Variants in CAMK2N1 observed in about 807,000 individuals in gnomAD.
CAMK2N1 encodes the protein calcium/calmodulin dependent protein kinase II inhibitor 1.
Under a neutral mutation model 6.4 loss-of-function variants are expected in CAMK2N1, and 2 were observed. The ratio of observed to expected loss-of-function variants is 0.31; its 90% confidence interval spans 0.13 to 0.98. The LOEUF (loss-of-function observed/expected upper bound fraction) is 0.98. Among genes scored for constraint, CAMK2N1 ranks in the 50% least tolerant of loss-of-function variants. CAMK2N1 has a pLI of 0.51. For synonymous variants in CAMK2N1, 42 were observed against 47.5 expected (o/e 0.88, Z 0.47); for missense variants, 77 against 107.3 (o/e 0.72, Z 1.25).
chr1:20,485,306 A>G lies in CAMK2N1; in HGVS notation c.74T>C (p.Phe25Ser), dbSNP rs2051502237. 1 of 1,594,538 alleles carries G rather than the reference A, an allele frequency of 6.3e-7. No homozygotes were observed. Among genetic ancestry groups the G allele is most frequent in the Admixed American group, 1.7e-5 (1 of 58,158 alleles). ...YGDGGDVGQI[F>S]SCRLQDTNNF... ...GTTGGTGTCCTGCAGGCGGCAGGAG[A>G]AGATCTGGCCCACGTCGCCGCCGTC... The change falls in exon 1 of 2, where the codon TTC becomes TCC. Residue 25 changes from phenylalanine (F) to serine (S), a missense_variant. Physicochemically the swap from Phe to Ser is radical, Grantham distance 155 (BLOSUM62 -2). Transcript: ENST00000375078. The surrounding 1 kb of genome is among the most constrained non-coding windows in gnomAD (Gnocchi z 8.4).
rs2051486747 is a variant in CAMK2N1, at chr1:20,483,676, C to T, written c.210G>A (p.Met70Ile). 2 of 1,613,936 alleles carry T rather than the reference C, an allele frequency of 1.2e-6. No individual in the cohort carries two copies. The highest frequency in any genetic ancestry group is 2.2e-5 in the South Asian group (2 of 91,078). Residue 70 changes from methionine (M) to isoleucine (I), a missense_variant, in exon 2 of 2, where the codon ATG (methionine) becomes ATA (isoleucine). Transcript: ENST00000375078. ...AGACACCAGGAGGTGCCTTGTCGGT[C>T]ATATTTTTCAGCACGTCATCAATCC... is the stretch of plus-strand genomic sequence containing the variant. ...DDRIDDVLKN[M>I]TDKAPPGV
Position 20,484,839 on chromosome 1 carries a change from C to T in CAMK2N1, c.166+375G>A, listed in dbSNP as rs1269384195. ...GAATGGGATCCTCCCCACGCAGGTC[C>T]CCACGCCGTCCCCTGGGGGTCCCTG... is the stretch of plus-strand genomic sequence containing the variant. On this transcript the variant is annotated intron_variant, in intron 1 of 1. Coordinates refer to ENST00000375078, the MANE Select transcript of CAMK2N1 (RefSeq NM_018584.6). The surrounding 1 kb of genome is among the most constrained non-coding windows in gnomAD (Gnocchi z 6.8). Among the ~76,000 whole-genome samples the T allele has an allele frequency of 1.3e-5, 2 of 152,170 alleles. No individual in the cohort carries two copies. Among genetic ancestry groups the T allele is most frequent in the East Asian group, 3.9e-4 (2 of 5,182 alleles).
At chr1:20,483,800 G>A in intron 1 of CAMK2N1, 81 bp from the exon 2 acceptor site, 1 of 1,304,852 alleles carries the variant, frequency 7.7e-7, no homozygotes, top group South Asian at 1.2e-5. Context: ...TATGCCCAGA[G>A]TGGGAGGTCG....
Position 20,484,263 on chromosome 1 carries a change from CT to C in CAMK2N1, c.167-545del, listed in dbSNP as rs1239536263. 6.5e-6 allele frequency: 1 copy of C among 153,280 alleles called. No individual in the cohort carries two copies. Among genetic ancestry groups the C allele is most frequent in the Non-Finnish European group, 1.5e-5 (1 of 68,876 alleles). 9.5% of individuals were successfully genotyped at this position (153,280 alleles called of 1,614,324 possible). A position where few individuals can be genotyped will look rare whatever the true frequency, so the allele number is the denominator to read the frequency against. On this transcript the variant is annotated intron_variant, in intron 1 of 1. Transcript: ENST00000375078. This position sits in a 1 kb window ranked among gnomAD's most constrained non-coding sequence, Gnocchi z 6.8. ...CCTCCTGCGCGCCCTCTCCCAGCCG[CT>C]GGCCGACTGACTCGGCCGCCCCGCG... is the stretch of plus-strand genomic sequence containing the variant.
rs1309802289 is a variant in CAMK2N1, at chr1:20,485,842, C to G, written c.-463G>C. On this transcript the variant is annotated 5_prime_UTR_variant, in exon 1 of 2. Coordinates refer to ENST00000375078, the MANE Select transcript of CAMK2N1 (RefSeq NM_018584.6). The surrounding 1 kb of genome is among the most constrained non-coding windows in gnomAD (Gnocchi z 8.4). ...GGGGAGGCAGACTGGGAGCTGCGAG[C>G]GGCGGGGCTGCGAGGGGCGGAGGGG... 9.7e-6 allele frequency: 1 copy of G among 103,586 alleles called. No individual in the cohort carries two copies. The highest frequency in any genetic ancestry group is 3.7e-5 in the African/African-American group (1 of 27,120). The allele number at this position is 103,586 out of a possible 1,614,324, so 6.4% of individuals were successfully genotyped here. A position where few individuals can be genotyped will look rare whatever the true frequency, so the allele number is the denominator to read the frequency against.
Position 20,483,090 on chromosome 1 carries a change from G to T in CAMK2N1, c.*559C>A, listed in dbSNP as rs1296975269. 1 of 152,472 alleles carries T rather than the reference G, an allele frequency of 6.6e-6. No homozygotes were observed. The highest frequency in any genetic ancestry group is 2.4e-5 in the African/African-American group (1 of 41,388). The allele number at this position is 152,472 out of a possible 1,614,324, so 9.4% of individuals were successfully genotyped here. A position where few individuals can be genotyped will look rare whatever the true frequency, so the allele number is the denominator to read the frequency against. The stretch of plus-strand genomic sequence containing the variant: ...CAAAATAAAACAGAATATCTACAGA[G>T]ATCATTTTCTGAATTTTTTGTACAT... On this transcript the variant is annotated 3_prime_UTR_variant, in exon 2 of 2. Transcript: ENST00000375078.
rs1213895940 is a variant in CAMK2N1, at chr1:20,485,368, C to G, written c.12G>C (p.Val4=). The G allele has an allele frequency of 3.5e-6, 5 of 1,413,704 alleles. No homozygotes were observed. Among genetic ancestry groups the G allele is most frequent in the Non-Finnish European group, 4.6e-6 (5 of 1,080,434 alleles). 87.6% of individuals were successfully genotyped at this position (1,413,704 alleles called of 1,614,324 possible). A position where few individuals can be genotyped will look rare whatever the true frequency, so the allele number is the denominator to read the frequency against. The change falls in exon 1 of 2, where the codon GTG becomes GTC. Residue 4 remains valine (V), a synonymous_variant. Coordinates refer to ENST00000375078, the MANE Select transcript of CAMK2N1 (RefSeq NM_018584.6). The surrounding 1 kb of genome is among the most constrained non-coding windows in gnomAD (Gnocchi z 8.4). The part of the protein sequence containing the change: MSE[V]LPYGDEKLSP... Reference sequence around the variant, plus strand: ...TCAGCTTCTCGTCGCCGTAGGGCAGCACCTCCGACATGGTCGCGTCCGGGG... The same window carrying G: ...TCAGCTTCTCGTCGCCGTAGGGCAGGACCTCCGACATGGTCGCGTCCGGGG...
rs941842896 is a variant in CAMK2N1, at chr1:20,484,004, C to G, written c.167-285G>C. 6.6e-6 allele frequency among the ~76,000 whole-genome samples: 1 copy of G among 152,248 alleles called. No individual in the cohort carries two copies. The highest frequency in any genetic ancestry group is 1.5e-5 in the Non-Finnish European group (1 of 68,036). On this transcript the variant is annotated intron_variant, in intron 1 of 1. Coordinates refer to ENST00000375078, the MANE Select transcript of CAMK2N1 (RefSeq NM_018584.6). This position sits in a 1 kb window ranked among gnomAD's most constrained non-coding sequence, Gnocchi z 6.8. ...AGCCGCTCCTGCTGCAGCCAGGGCG[C>G]GCACTGGCCCGCGTCCTCCCCGCAC...
At position 20,485,393 on chromosome 1, in the gene CAMK2N1, G is replaced by A. The variant is rs1367786509; in HGVS notation, c.-14C>T. 3 of 1,312,088 alleles carry A rather than the reference G, an allele frequency of 2.3e-6. No homozygotes were observed. The highest frequency in any genetic ancestry group is 1.9e-6 in the Non-Finnish European group (2 of 1,026,364). The allele number at this position is 1,312,088 out of a possible 1,614,324, so 81.3% of individuals were successfully genotyped here. On this transcript the variant is annotated 5_prime_UTR_variant, in exon 1 of 2. Coordinates refer to ENST00000375078, the MANE Select transcript of CAMK2N1 (RefSeq NM_018584.6). The surrounding 1 kb of genome is among the most constrained non-coding windows in gnomAD (Gnocchi z 8.4). ...CACCTCCGACATGGTCGCGTCCGGGGGCTCCGCCGCGGCGCCTCCTCCGCC... is the reference window on the plus strand; with the variant it reads ...CACCTCCGACATGGTCGCGTCCGGGAGCTCCGCCGCGGCGCCTCCTCCGCC...
In CAMK2N1 at chr1:20,485,148, C is replaced by T; in HGVS notation, c.166+66G>A. ...CGGGCTCCAGCGGGTGGGAGACCTC[C>T]GCAACCCTTGTTCAGGCCGCGGCGC... On this transcript the variant is annotated intron_variant, in intron 1 of 1. Coordinates refer to ENST00000375078, the MANE Select transcript of CAMK2N1 (RefSeq NM_018584.6). The surrounding 1 kb of genome is among the most constrained non-coding windows in gnomAD (Gnocchi z 8.4). The T allele has an allele frequency of 1.3e-6, 2 of 1,505,558 alleles. No homozygotes were observed. The highest frequency in any genetic ancestry group is 1.4e-5 in the African/African-American group (1 of 71,258). The allele number at this position is 1,505,558 out of a possible 1,614,324, so 93.3% of individuals were successfully genotyped here.
chr1:20,485,143 ACCT>A lies in CAMK2N1; in HGVS notation c.166+68_166+70del, dbSNP rs1324164121. 7 of 1,467,026 alleles carry A rather than the reference ACCT, an allele frequency of 4.8e-6. No individual in the cohort carries two copies. Among genetic ancestry groups the A allele is most frequent in the Non-Finnish European group, 6.4e-6 (7 of 1,099,870 alleles). 90.9% of individuals were successfully genotyped at this position (1,467,026 alleles called of 1,614,324 possible). A position where few individuals can be genotyped will look rare whatever the true frequency, so the allele number is the denominator to read the frequency against. On this transcript the variant is annotated intron_variant, in intron 1 of 1. Transcript: ENST00000375078. The surrounding 1 kb of genome is among the most constrained non-coding windows in gnomAD (Gnocchi z 8.4). ...CTGAACGGGCTCCAGCGGGTGGGAG[ACCT>A]CCGCAACCCTTGTTCAGGCCGCGGC...
Position 20,484,302 on chromosome 1 carries a change from G to T in CAMK2N1, c.167-583C>A. ...CGGCCGCCCCGCGCTCCCCGCTGCC[G>T]CAGAGGTCAGAGCCTCCCTTCGCTG... is the stretch of plus-strand genomic sequence containing the variant. On this transcript the variant is annotated intron_variant, in intron 1 of 1. Transcript: ENST00000375078. This position sits in a 1 kb window ranked among gnomAD's most constrained non-coding sequence, Gnocchi z 6.8. The T allele has an allele frequency of 6.5e-6, 1 of 153,582 alleles. No homozygotes were observed. The highest frequency in any genetic ancestry group is 1.9e-4 in the East Asian group (1 of 5,196). The allele number at this position is 153,582 out of a possible 1,614,324, so 9.5% of individuals were successfully genotyped here. A position where few individuals can be genotyped will look rare whatever the true frequency, so the allele number is the denominator to read the frequency against.
Position 20,484,903 on chromosome 1 carries a change from G to C in CAMK2N1, c.166+311C>G. 6.6e-6 allele frequency among the ~76,000 whole-genome samples: 1 copy of C among 152,196 alleles called. No homozygotes were observed. ...ACAGGGTTATGGAGCGAGTGCAGCT[G>C]TGACTACACTGCGCAAAAGGCGGGG... On this transcript the variant is annotated intron_variant, in intron 1 of 1. Transcript: ENST00000375078. This position sits in a 1 kb window ranked among gnomAD's most constrained non-coding sequence, Gnocchi z 6.8.
Position 20,486,034 on chromosome 1 carries a change from GA to G in CAMK2N1, c.-656del, listed in dbSNP as rs2051510912. ...GAGGGGGAGAGGAAGGAGAGGAGGA[GA>G]AAGAAGAAAAGGTGGGGTGGGGGAC... On this transcript the variant is annotated 5_prime_UTR_variant, in exon 1 of 2. Transcript: ENST00000375078. This position sits in a 1 kb window ranked among gnomAD's most constrained non-coding sequence, Gnocchi z 6.5. 6.7e-6 allele frequency: 1 copy of G among 149,386 alleles called. No homozygotes were observed. Among genetic ancestry groups the G allele is most frequent in the Non-Finnish European group, 1.5e-5 (1 of 67,540 alleles). The allele number at this position is 149,386 out of a possible 1,614,324, so 9.3% of individuals were successfully genotyped here. A position where few individuals can be genotyped will look rare whatever the true frequency, so the allele number is the denominator to read the frequency against.
At chr1:20,483,887 T>C (rs1047728352) in intron 1 of CAMK2N1, among the ~76,000 whole-genome samples, 168 bp from the exon 2 acceptor site, 3 of 151,926 alleles carry the variant, frequency 2.0e-5, no homozygotes, top group Non-Finnish European at 2.9e-5. Context: ...AGGGGTCCCT[T>C]CCCTGCTTTC....
Position 20,485,010 on chromosome 1 carries a change from G to T in CAMK2N1, c.166+204C>A, listed in dbSNP as rs2051499047. Among the ~76,000 whole-genome samples the T allele has an allele frequency of 6.6e-6, 1 of 152,312 alleles. No individual in the cohort carries two copies. Among genetic ancestry groups the T allele is most frequent in the East Asian group, 1.9e-4 (1 of 5,154 alleles). ...CTGCTAGAAGCCGCCACGCCCCCAG[G>T]GTGACCCAGCCGGGGATCCGGCTTA... On this transcript the variant is annotated intron_variant, in intron 1 of 1. Coordinates refer to ENST00000375078, the MANE Select transcript of CAMK2N1 (RefSeq NM_018584.6). The surrounding 1 kb of genome is among the most constrained non-coding windows in gnomAD (Gnocchi z 8.4).
In CAMK2N1 at chr1:20,485,353, G is replaced by C. The variant is rs749140803; in HGVS notation, c.27C>G (p.Asp9Glu). 1.3e-6 allele frequency: 2 copies of C among 1,526,214 alleles called. No individual in the cohort carries two copies. Among genetic ancestry groups the C allele is most frequent in the African/African-American group, 1.4e-5 (1 of 71,738 alleles). The allele number at this position is 1,526,214 out of a possible 1,614,324, so 94.5% of individuals were successfully genotyped here. The change falls in exon 1 of 2, where the codon GAC becomes GAG. Residue 9 changes from aspartate (D) to glutamate (E), a missense_variant. Coordinates refer to ENST00000375078, the MANE Select transcript of CAMK2N1 (RefSeq NM_018584.6). The surrounding 1 kb of genome is among the most constrained non-coding windows in gnomAD (Gnocchi z 8.4). MSEVLPYG[D>E]EKLSPYGDGG... ...CGTCGCCGTAGGGGCTCAGCTTCTCGTCGCCGTAGGGCAGCACCTCCGACA... is the reference window on the plus strand; with the variant it reads ...CGTCGCCGTAGGGGCTCAGCTTCTCCTCGCCGTAGGGCAGCACCTCCGACA...
In CAMK2N1 at chr1:20,483,572, T is replaced by C; in HGVS notation, c.*77A>G. The C allele has an allele frequency of 6.1e-6, 8 of 1,305,420 alleles. No individual in the cohort carries two copies. In the South Asian group the frequency reaches 9.5e-5, roughly 15 times the overall value. 80.9% of individuals were successfully genotyped at this position (1,305,420 alleles called of 1,614,324 possible). A position where few individuals can be genotyped will look rare whatever the true frequency, so the allele number is the denominator to read the frequency against. ...AGCTAGTAATAAATTTCAAAGTGCTTTCTCTTTTCATGCTTTTTGCCAATA... is the reference window on the plus strand; with the variant it reads ...AGCTAGTAATAAATTTCAAAGTGCTCTCTCTTTTCATGCTTTTTGCCAATA... On this transcript the variant is annotated 3_prime_UTR_variant, in exon 2 of 2. Transcript: ENST00000375078.
Position 20,484,445 on chromosome 1 carries a change from T to C in CAMK2N1, c.167-726A>G, listed in dbSNP as rs1333510515. 1 of 152,246 alleles carries C rather than the reference T, an allele frequency of 6.6e-6. No individual in the cohort carries two copies. Among genetic ancestry groups the C allele is most frequent in the African/African-American group, 2.4e-5 (1 of 41,434 alleles). 9.4% of individuals were successfully genotyped at this position (152,246 alleles called of 1,614,324 possible). A position where few individuals can be genotyped will look rare whatever the true frequency, so the allele number is the denominator to read the frequency against. On this transcript the variant is annotated intron_variant, in intron 1 of 1. Transcript: ENST00000375078. This position sits in a 1 kb window ranked among gnomAD's most constrained non-coding sequence, Gnocchi z 6.8. ...GGCCGGCAGCCGATCGAGGTCTCTGTCTCTCCCTGTCTAAGGTGTCGGTCG... is the reference window on the plus strand; with the variant it reads ...GGCCGGCAGCCGATCGAGGTCTCTGCCTCTCCCTGTCTAAGGTGTCGGTCG...
Sources: gnomAD v4.1 joint callset for allele counts (sites outside exome capture counted in the v4.1 genomes callset) on GRCh38, gnomAD v4.1.1 for gene constraint, Gnocchi (gnomAD v3.1) non-coding constraint, MANE v1.5 for transcripts, NCBI Gene and HGNC (gene_info 2026-07-23, HGNC 2026-07-21) for gene names.